PPIP5K2: variants seen among roughly 807,000 people sequenced by gnomAD.
PPIP5K2 encodes the protein diphosphoinositol pentakisphosphate kinase 2, also known as inositol hexakisphosphate and diphosphoinositol-pentakisphosphate kinase 2.
PPIP5K2 carries 105 observed loss-of-function variants against 154.6 expected under a neutral mutation model. The ratio of observed to expected loss-of-function variants is 0.68; its 90% CI spans 0.58 to 0.80. The LOEUF (loss-of-function observed/expected upper bound fraction) is 0.80. PPIP5K2 is among the 30% of genes least tolerant of loss of function. The pLI, the probability that PPIP5K2 is intolerant of heterozygous loss-of-function variation, is 0.00. For missense variants in PPIP5K2, 992 were observed against 1,504.6 expected (o/e 0.66, Z 5.64); for synonymous variants, 480 against 490.3 (o/e 0.98, Z 0.28).
chr5:103,183,450 T>G lies in PPIP5K2; in HGVS notation c.3096+43T>G, dbSNP rs781847487. On this transcript the variant is annotated intron_variant, in intron 25 of 30. Coordinates refer to ENST00000358359, the MANE Select transcript of PPIP5K2 (RefSeq NM_001276277.3). Reference sequence around the variant, plus strand: ...CATTAAACATTTTTCCTCCCTGCATTCAGAGCAACAAACAGCTGTCTTTGA... The same window carrying G: ...CATTAAACATTTTTCCTCCCTGCATGCAGAGCAACAAACAGCTGTCTTTGA... 15 of 1,524,430 alleles carry G rather than the reference T, an allele frequency of 9.8e-6. 1 individual carries two copies. The East Asian group carries it at 3.6e-4, about 37-fold the overall frequency. The allele number at this position is 1,524,430 out of a possible 1,614,324, so 94.4% of individuals were successfully genotyped here.
chr5:103,198,341 T>A lies in PPIP5K2; in HGVS notation c.3620-3181T>A, dbSNP rs546643181. Among the ~76,000 whole-genome samples the A allele has an allele frequency of 4.6e-5, 7 of 152,280 alleles. No individual in the cohort carries two copies. The South Asian group carries it at 6.2e-4, about 14-fold the overall frequency. Reference sequence around the variant, plus strand: ...TGTACTAAAAAAAAAACCCAAATGTTTATCTTATAGTTCATTGATCCTAAT... The same window carrying A: ...TGTACTAAAAAAAAAACCCAAATGTATATCTTATAGTTCATTGATCCTAAT... On this transcript the variant is annotated intron_variant, in intron 30 of 30. Coordinates refer to ENST00000358359, the MANE Select transcript of PPIP5K2 (RefSeq NM_001276277.3).
intron 26 of PPIP5K2, 106 bp from the exon 27 acceptor site, chr5:103,186,214 G>T (rs1409608418): frequency 2.1e-6 from 3 of 1,414,700 alleles, no homozygotes; most frequent in Non-Finnish European, 2.9e-6. Context: ...CACTTCCAAA[G>T]GTTGCCTTAT....
Position 103,184,750 on chromosome 5 carries a change from T to C in PPIP5K2, c.3169+6T>C. 1 of 1,607,320 alleles carries C rather than the reference T, an allele frequency of 6.2e-7. No homozygotes were observed. The highest frequency in any genetic ancestry group is 1.1e-5 in the South Asian group (1 of 90,948). ...GAAGCAGAATCCTACTGTAGGTATGTGGTGTAAAGGAAATTGTGTTCCATA... is the reference window on the plus strand; with the variant it reads ...GAAGCAGAATCCTACTGTAGGTATGCGGTGTAAAGGAAATTGTGTTCCATA... On this transcript the variant is annotated splice_donor_region_variant and intron_variant, in intron 26 of 30. Coordinates refer to ENST00000358359, the MANE Select transcript of PPIP5K2 (RefSeq NM_001276277.3).
rs782242731 is a variant in PPIP5K2, at chr5:103,133,539, C to T, written c.201C>T (p.Ile67=). The change falls in exon 3 of 31, where the codon ATC becomes ATT. Residue 67 remains isoleucine, a synonymous_variant. Transcript: ENST00000358359. The part of the protein sequence containing the change: ...SKPMKEILER[I]SLFKYITVVV... The stretch of plus-strand genomic sequence containing the variant: ...CAATGAAGGAAATTCTTGAACGGAT[C>T]TCCTTATTTAAATATATCACAGTAG... 3 of 1,612,620 alleles carry T rather than the reference C, an allele frequency of 1.9e-6. No homozygotes were observed. The highest frequency in any genetic ancestry group is 1.1e-5 in the South Asian group (1 of 90,946).
At chr5:103,169,039 T>C (rs1797548860) in intron 19 of PPIP5K2, among the ~76,000 whole-genome samples, 1 of 151,894 alleles carries the variant, frequency 6.6e-6, no homozygotes, top group Admixed American at 6.6e-5. Flanking sequence ...GAAAATAATG[T>C]TTAGAGGTCA....
At chr5:103,168,009 A>G (rs1277951606) in intron 18 of PPIP5K2, 63 bp from the exon 19 acceptor site, 2 of 1,029,842 alleles carry the variant, frequency 1.9e-6, no homozygotes, top group Non-Finnish European at 1.4e-6. Context: ...TTATTAACAT[A>G]TTAATATATA....
rs1476582247 is a variant in PPIP5K2 at position 103,157,720 on chromosome 5, A to AT, written c.1490-468_1490-467insT. On this transcript the variant is annotated intron_variant, in intron 14 of 30. Transcript: ENST00000358359. ...CTGTCTCAAAAAAAAAAAACAAAAA[A>AT]ATATATATATCTTCTTCACTTCAAC... Among the ~76,000 whole-genome samples the AT allele has an allele frequency of 1.1e-3, 173 of 152,134 alleles. 1 individual carries two copies. The highest frequency in any genetic ancestry group is 3.9e-3 in the African/African-American group (163 of 41,514).
chr5:103,191,221 CAGT>C (rs1309897899), intron 29 of PPIP5K2, among the ~76,000 whole-genome samples: 3 of 151,748 alleles, frequency 2.0e-5, no homozygotes, highest in Non-Finnish European at 4.4e-5. Context: ...AAACCAATAG[CAGT>C]AGAAGTCAAC....
rs1366275150 is a variant in PPIP5K2 at position 103,186,535 on chromosome 5, T to C, written c.3289+96T>C. On this transcript the variant is annotated intron_variant, in intron 27 of 30. Coordinates refer to ENST00000358359, the MANE Select transcript of PPIP5K2 (RefSeq NM_001276277.3). ...AGGCAAATCTAAGGCCACTGACTGA[T>C]TCGAGTGAAATCCTGTCATCTTTTG... 20 of 1,529,112 alleles carry C rather than the reference T, an allele frequency of 1.3e-5. No individual in the cohort carries two copies. The African/African-American group carries it at 2.6e-4, about 20-fold the overall frequency. 94.7% of individuals were successfully genotyped at this position (1,529,112 alleles called of 1,614,324 possible).
chr5:103,134,226 A>G (rs782534131), intron 3 of PPIP5K2, among the ~76,000 whole-genome samples: 2 of 152,138 alleles, frequency 1.3e-5, no homozygotes, highest in African/African-American at 2.4e-5. Flanking sequence ...ATTCCTTGCT[A>G]TATCTTATTA....
chr5:103,197,233 A>C (rs1802229323), intron 30 of PPIP5K2, among the ~76,000 whole-genome samples: 1 of 152,032 alleles, frequency 6.6e-6, no homozygotes, highest in African/African-American at 2.4e-5. Flanking sequence ...TTTCTGAAAG[A>C]GTTTTTATAA....
At position 103,120,323 on chromosome 5, in the gene PPIP5K2, T is replaced by A. The variant is rs782317221; in HGVS notation, c.-450T>A. ...GGTGTAGTAGCCTGAGGTTCCCTTA[T>A]GTGGCCCTATAGCTGTTACTGAAGG... On this transcript the variant is annotated 5_prime_UTR_variant, in exon 1 of 31. It removes an upstream start codon present in the reference 5' UTR. Transcript: ENST00000358359. 2.3e-6 allele frequency: 1 copy of A among 430,976 alleles called. No homozygotes were observed. Among genetic ancestry groups the A allele is most frequent in the African/African-American group, 2.0e-5 (1 of 49,530 alleles). The allele number at this position is 430,976 out of a possible 1,614,324, so 26.7% of individuals were successfully genotyped here.
rs1554214221 is a variant in PPIP5K2 at position 103,158,181 on chromosome 5, G to A, written c.1490-7G>A. ...ACATTTGTTTTATTCATTCATATGT[G>A]TCATAGACAGCCGAAGAGAAGAACC... On this transcript the variant is annotated splice_region_variant and splice_polypyrimidine_tract_variant and intron_variant, in intron 14 of 30. Transcript: ENST00000358359. The A allele has an allele frequency of 1.2e-6, 2 of 1,611,712 alleles. No homozygotes were observed. The highest frequency in any genetic ancestry group is 1.7e-6 in the Non-Finnish European group (2 of 1,178,046).
chr5:103,179,846 A>G (rs1417460097), intron 23 of PPIP5K2, among the ~76,000 whole-genome samples, 175 bp from the exon 24 acceptor site: 1 of 152,122 alleles, frequency 6.6e-6, no homozygotes, highest in Non-Finnish European at 1.5e-5. Context: ...CTTTTCCCTC[A>G]TAGTACACAG....
intron 2 of PPIP5K2, among the ~76,000 whole-genome samples, chr5:103,130,766 A>G (rs1269293230): frequency 2.0e-5 from 3 of 152,160 alleles, no homozygotes; most frequent in African/African-American, 7.2e-5. Context: ...CTTAAACTAG[A>G]AAGCACTATT....
rs1803601188 is a variant in PPIP5K2, at chr5:103,207,845, C to G, written c.*6211C>G. ...ACATTTTTCATGTGCTCAGCTGATTCATTCTTTCCTGTTGAGTGGTTTTTA... is the reference window on the plus strand; with the variant it reads ...ACATTTTTCATGTGCTCAGCTGATTGATTCTTTCCTGTTGAGTGGTTTTTA... On this transcript the variant is annotated 3_prime_UTR_variant, in exon 31 of 31. Coordinates refer to ENST00000358359, the MANE Select transcript of PPIP5K2 (RefSeq NM_001276277.3). 1 of 151,942 alleles carries G rather than the reference C, an allele frequency of 6.6e-6. No individual in the cohort carries two copies. The highest frequency in any genetic ancestry group is 2.4e-5 in the African/African-American group (1 of 41,384). The allele number at this position is 151,942 out of a possible 1,614,324, so 9.4% of individuals were successfully genotyped here.
chr5:103,149,863 AT>A (rs1794356916), intron 8 of PPIP5K2, among the ~76,000 whole-genome samples: 2 of 151,822 alleles, frequency 1.3e-5, no homozygotes, highest in Admixed American at 1.3e-4. Flanking sequence ...TGCCCGGCTA[AT>A]TTTTGTATTT....
At chr5:103,196,209 C>T (rs1306554512) in intron 30 of PPIP5K2, among the ~76,000 whole-genome samples, 1 of 152,102 alleles carries the variant, frequency 6.6e-6, no homozygotes, top group Non-Finnish European at 1.5e-5. Flanking sequence ...AGACTCAACC[C>T]AACCTCTTCC....
rs1325974114 is a variant in PPIP5K2, at chr5:103,203,661, C to G, written c.*2027C>G. ...TTCTTCTTAGAGCCCAGTCCTCCATCCCAAAGAGGTGAACTAGCCCAGCAT... is the reference window on the plus strand; with the variant it reads ...TTCTTCTTAGAGCCCAGTCCTCCATGCCAAAGAGGTGAACTAGCCCAGCAT... On this transcript the variant is annotated 3_prime_UTR_variant, in exon 31 of 31. Transcript: ENST00000358359. 1 of 152,130 alleles carries G rather than the reference C, an allele frequency of 6.6e-6. No homozygotes were observed. Among genetic ancestry groups the G allele is most frequent in the Non-Finnish European group, 1.5e-5 (1 of 68,020 alleles). 9.4% of individuals were successfully genotyped at this position (152,130 alleles called of 1,614,324 possible).
Sources: allele counts gnomAD v4.1 joint callset (sites outside exome capture counted in the v4.1 genomes callset), GRCh38; gene constraint gnomAD v4.1.1; transcripts MANE v1.5; gene names NCBI Gene and HGNC (gene_info 2026-07-23, HGNC 2026-07-21).